Variants in SH3KBP1 observed in about 807,000 individuals in gnomAD.
SH3KBP1 encodes SH3 domain containing kinase binding protein 1.
A neutral mutation model predicts 50.1 loss-of-function variants in SH3KBP1; 8 were observed. The ratio of observed to expected loss-of-function variants is 0.16; its 90% CI spans 0.09 to 0.29. The LOEUF (loss-of-function observed/expected upper bound fraction) is 0.29. SH3KBP1 is among the 10% of genes least tolerant of loss of function. SH3KBP1 has a pLI of 1.00. For missense variants in SH3KBP1, 377 were observed against 535.2 expected, an observed-to-expected ratio of 0.70 and a Z score of 2.92; for synonymous variants, 227 against 218.6, an observed-to-expected ratio of 1.04 and a Z score of -0.34.
rs545437176 is a variant in SH3KBP1 at position 19,760,397 on chromosome X, A to AATACATAC, written c.163-13964_163-13957dup. 9.4e-3 allele frequency among the ~76,000 whole-genome samples: 904 copies of AATACATAC among 96,636 alleles called. 5 individuals are homozygous for AATACATAC. Among genetic ancestry groups the AATACATAC allele is most frequent in the East Asian group, 0.019 (57 of 3,073 alleles). The allele number at this position is 96,636 out of a possible 115,157, so 83.9% of individuals were successfully genotyped here. A position where few individuals can be genotyped will look rare whatever the true frequency, so the allele number is the denominator to read the frequency against. Reference sequence around the variant, plus strand: ...GTGAGATTCTGTCTCAAAATAAATAAATACATACATACATACATACATACA... The same window carrying AATACATAC: ...GTGAGATTCTGTCTCAAAATAAATAAATACATACATACATACATACATACATACATACA... On this transcript the variant is annotated intron_variant, in intron 2 of 17. Transcript: ENST00000397821.
intron 2 of SH3KBP1, among the ~76,000 whole-genome samples, chrX:19,797,465 G>C (rs1275965710): frequency 2.7e-5 from 3 of 112,019 alleles, no homozygotes; most frequent in Non-Finnish European, 5.6e-5. Flanking sequence ...TGAAAAGGTA[G>C]GCAAAGCCAG....
At chrX:19,811,684 T>C (rs1334323965) in intron 2 of SH3KBP1, among the ~76,000 whole-genome samples, 1 of 112,046 alleles carries the variant, frequency 8.9e-6, no homozygotes, top group Non-Finnish European at 1.9e-5. Context: ...CCCTCTTTGG[T>C]TTTGACTTGG....
chrX:19,857,125 G>A (rs374860148), intron 1 of SH3KBP1, among the ~76,000 whole-genome samples: 1 of 108,043 alleles, frequency 9.3e-6, no homozygotes, highest in South Asian at 4.1e-4. Context: ...CCTAAGGACT[G>A]GAGGCGGGGA....
intron 2 of SH3KBP1, among the ~76,000 whole-genome samples, chrX:19,829,256 T>C (rs1469350055): frequency 8.9e-6 from 1 of 112,065 alleles, no homozygotes. Context: ...AAAGTACCGA[T>C]GTACGCAAAA....
intron 12 of SH3KBP1, chrX:19,588,304 A>T: frequency 3.8e-6 from 4 of 1,054,596 alleles, no homozygotes; most frequent in Non-Finnish European, 4.9e-6. Flanking sequence ...ACAAAGAGGG[A>T]CACGCCACCT....
At chrX:19,661,796 T>C (rs768668687) in intron 6 of SH3KBP1, among the ~76,000 whole-genome samples, 15 of 110,317 alleles carry the variant, frequency 1.4e-4, no homozygotes, top group African/African-American at 4.0e-4. Flanking sequence ...CCAGCTAATT[T>C]TTGTATTTTT....
In SH3KBP1 at chrX:19,804,888, C is replaced by G. The variant is rs1368912376; in HGVS notation, c.162+31237G>C. The stretch of plus-strand genomic sequence containing the variant: ...CGCCCCCAGCCCAAACCCTACCCCC[C>G]CCCCCCCACCCGCTGCCATCACAAT... On this transcript the variant is annotated intron_variant, in intron 2 of 17. Coordinates refer to ENST00000397821, the MANE Select transcript of SH3KBP1 (RefSeq NM_031892.3). Among the ~76,000 whole-genome samples, 5 of 80,291 alleles carry G rather than the reference C, an allele frequency of 6.2e-5. No individual in the cohort carries two copies. The East Asian group carries it at 2.1e-3, about 34-fold the overall frequency. 69.7% of individuals were successfully genotyped at this position (80,291 alleles called of 115,157 possible).
chrX:19,733,853 G>A (rs1302136460), intron 3 of SH3KBP1, among the ~76,000 whole-genome samples: 6 of 111,469 alleles, frequency 5.4e-5, no homozygotes, highest in South Asian at 7.4e-4. Context: ...TCAAGCACTC[G>A]ATTAATCTGA....
chrX:19,604,588 G>A (rs1427667194), intron 9 of SH3KBP1, among the ~76,000 whole-genome samples: 1 of 112,022 alleles, frequency 8.9e-6, no homozygotes, highest in Non-Finnish European at 1.9e-5. Flanking sequence ...GATGACATCT[G>A]CTGACACCAG....
intron 2 of SH3KBP1, among the ~76,000 whole-genome samples, chrX:19,776,772 T>C (rs2065996999): frequency 9.1e-6 from 1 of 109,668 alleles, no homozygotes; most frequent in African/African-American, 3.3e-5. Context: ...CAGGATGGTC[T>C]CAAACTCCTG....
chrX:19,697,629 T>C (rs890011394), intron 4 of SH3KBP1, among the ~76,000 whole-genome samples: 5 of 112,031 alleles, frequency 4.5e-5, no homozygotes, highest in African/African-American at 1.6e-4. Context: ...TGTAAACAGA[T>C]GAGAAAAGAC....
chrX:19,751,347 C>T (rs933510553), intron 2 of SH3KBP1, among the ~76,000 whole-genome samples: 2 of 111,232 alleles, frequency 1.8e-5, no homozygotes, highest in Non-Finnish European at 3.8e-5. Flanking sequence ...TTAATTGCAA[C>T]TTTCTGACCA....
intron 2 of SH3KBP1, among the ~76,000 whole-genome samples, chrX:19,829,959 C>T (rs934097864): frequency 9.0e-5 from 10 of 111,192 alleles, no homozygotes; most frequent in African/African-American, 3.3e-4. Context: ...CCTGTCATTA[C>T]CATGGCATCT....
At chrX:19,544,346 T>C in intron 15 of SH3KBP1, among the ~76,000 whole-genome samples, 1 of 110,114 alleles carries the variant, frequency 9.1e-6, no homozygotes, top group Non-Finnish European at 1.9e-5. Flanking sequence ...TGAGCAACGA[T>C]CGGTTGGCAC....
intron 2 of SH3KBP1, among the ~76,000 whole-genome samples, chrX:19,773,962 A>G (rs1447679063): frequency 9.3e-6 from 1 of 107,342 alleles, no homozygotes; most frequent in Non-Finnish European, 1.9e-5. Flanking sequence ...TGTGAAAGGC[A>G]TGTGGCTCTG....
chrX:19,566,374 A>G (rs1254405665), intron 13 of SH3KBP1, among the ~76,000 whole-genome samples: 1 of 102,461 alleles, frequency 9.8e-6, no homozygotes, highest in Non-Finnish European at 2.0e-5. Context: ...TCATATTTTC[A>G]TGATAGCGAT....
intron 2 of SH3KBP1, among the ~76,000 whole-genome samples, chrX:19,770,804 T>C (rs765353939): frequency 2.7e-5 from 3 of 111,191 alleles, no homozygotes; most frequent in Non-Finnish European, 5.7e-5. Flanking sequence ...ATCAACGATA[T>C]TGAGCTTTTT....
At chrX:19,676,033 A>G (rs2062920557) in intron 6 of SH3KBP1, among the ~76,000 whole-genome samples, 1 of 111,687 alleles carries the variant, frequency 9.0e-6, no homozygotes. Context: ...GCATCTTAAT[A>G]CCATCTGCTC....
chrX:19,870,190 T>C (rs1056487858), intron 1 of SH3KBP1, among the ~76,000 whole-genome samples: 2 of 112,197 alleles, frequency 1.8e-5, no homozygotes, highest in Non-Finnish European at 3.8e-5. Flanking sequence ...AAGAGATACA[T>C]ATGGAAATGA....
Sources: gnomAD v4.1 joint callset for allele counts (sites outside exome capture counted in the v4.1 genomes callset) on GRCh38, gnomAD v4.1.1 for gene constraint, MANE v1.5 for transcripts, NCBI Gene and HGNC (gene_info 2026-07-23, HGNC 2026-07-21) for gene names.